The following CTNND2 variants were observed in gnomAD, a reference collection of about 807,000 sequenced individuals.
The protein encoded by CTNND2 is catenin delta 2, also known as catenin delta-2.
In CTNND2, 22 loss-of-function variants were observed where a neutral mutation model predicts 144.4. That is an observed-to-expected ratio of 0.15 (90% CI 0.11 to 0.22). The LOEUF (loss-of-function observed/expected upper bound fraction) is 0.22, where lower values mean the gene tolerates loss of function less well. CTNND2 is among the 10% of genes least tolerant of loss of function. The probability of loss-of-function intolerance (pLI) is 1.00; values close to 1 mark genes in which losing one functional copy is unlikely to be tolerated. For missense variants in CTNND2, 1,353 were observed against 1,618.8 expected (o/e 0.84, Z 2.82); for synonymous variants, 751 against 695.6 (o/e 1.08, Z -1.25).
intron 18 of CTNND2, among the ~76,000 whole-genome samples, chr5:11,011,711 G>C (rs903745939): frequency 6.6e-5 from 10 of 152,130 alleles, no homozygotes; most frequent in African/African-American, 2.4e-4. Context: ...GAATGGCCTG[G>C]CTTGTCTTCC....
intron 1 of CTNND2, among the ~76,000 whole-genome samples, chr5:11,789,375 C>T (rs1282520315): frequency 1.3e-5 from 2 of 152,112 alleles, no homozygotes; most frequent in East Asian, 3.9e-4. Flanking sequence ...ATTCACAAAC[C>T]TTCTACTGTC....
intron 3 of CTNND2, among the ~76,000 whole-genome samples, chr5:11,496,487 A>G (rs926775145): frequency 6.6e-6 from 1 of 152,208 alleles, no homozygotes; most frequent in African/African-American, 2.4e-5. Flanking sequence ...AGGGGTGTCC[A>G]GGGCAGCAGC....
chr5:11,492,505 ATGTGTGTGTGTG>A (rs33995105), intron 3 of CTNND2, among the ~76,000 whole-genome samples: 16 of 140,432 alleles, frequency 1.1e-4, no homozygotes, highest in South Asian at 2.3e-4. Flanking sequence ...ATATATATAT[ATGTGTGTGTGTG>A]TGTGTGTGTG....
At chr5:11,081,072 T>TCA (rs55951127) in intron 16 of CTNND2, among the ~76,000 whole-genome samples, 26,037 of 144,872 alleles carry the variant, frequency 0.18, 2,772 homozygotes, top group Admixed American at 0.3. Flanking sequence ...TGAGACCCTG[T>TCA]CACACACACA....
At chr5:11,559,504 T>C (rs1776516677) in intron 3 of CTNND2, among the ~76,000 whole-genome samples, 1 of 152,180 alleles carries the variant, frequency 6.6e-6, no homozygotes, top group South Asian at 2.1e-4. Context: ...ATGGTTGTTG[T>C]TCTATCTTCT....
chr5:11,853,875 C>T (rs888322277), intron 1 of CTNND2, among the ~76,000 whole-genome samples: 1 of 152,212 alleles, frequency 6.6e-6, no homozygotes, highest in Non-Finnish European at 1.5e-5. Flanking sequence ...GAGCCGCCAT[C>T]ATGAGTCATT....
intron 2 of CTNND2, among the ~76,000 whole-genome samples, chr5:11,592,546 A>C (rs1779307390): frequency 6.6e-6 from 1 of 152,092 alleles, no homozygotes; most frequent in Non-Finnish European, 1.5e-5. Flanking sequence ...TAATCATAAC[A>C]GTGGTTTAAG....
At chr5:11,044,075 G>A (rs1458847587) in intron 16 of CTNND2, among the ~76,000 whole-genome samples, 6 of 152,204 alleles carry the variant, frequency 3.9e-5, no homozygotes, top group Admixed American at 1.3e-4. Context: ...GTTGTACAGC[G>A]GGGTAGCAGC....
intron 13 of CTNND2, among the ~76,000 whole-genome samples, chr5:11,111,742 C>T (rs1364471771): frequency 6.6e-6 from 1 of 152,128 alleles, no homozygotes; most frequent in Non-Finnish European, 1.5e-5. Flanking sequence ...TGGTGTACCC[C>T]TCTGTAAAAT....
chr5:11,333,998 G>A, intron 9 of CTNND2, among the ~76,000 whole-genome samples: 1 of 152,172 alleles, frequency 6.6e-6, no homozygotes. Flanking sequence ...ATTCTATGCT[G>A]GATGCTAGGT....
intron 1 of CTNND2, among the ~76,000 whole-genome samples, chr5:11,798,711 G>C (rs1581902811): frequency 6.6e-6 from 1 of 152,152 alleles, no homozygotes; most frequent in East Asian, 1.9e-4. Context: ...AGGTTGCAGT[G>C]AACTGAGATC....
At chr5:11,737,802 G>A (rs1340180602) in intron 1 of CTNND2, among the ~76,000 whole-genome samples, 1 of 152,106 alleles carries the variant, frequency 6.6e-6, no homozygotes, top group Admixed American at 6.6e-5. Flanking sequence ...TGGCATCAGA[G>A]GTCTCTCTTC....
At chr5:11,684,061 GCTA>G (rs1784536574) in intron 2 of CTNND2, among the ~76,000 whole-genome samples, 1 of 151,926 alleles carries the variant, frequency 6.6e-6, no homozygotes, top group South Asian at 2.1e-4. Flanking sequence ...AAGACAGACA[GCTA>G]CTATTAGGTT....
At chr5:11,270,956 C>A (rs930613979) in intron 9 of CTNND2, among the ~76,000 whole-genome samples, 9 of 152,052 alleles carry the variant, frequency 5.9e-5, no homozygotes, top group Non-Finnish European at 1.3e-4. Context: ...CAATAAAATA[C>A]AAACTAGGAA....
intron 18 of CTNND2, among the ~76,000 whole-genome samples, chr5:11,000,940 G>A (rs1739892567): frequency 6.6e-6 from 1 of 152,220 alleles, no homozygotes; most frequent in African/African-American, 2.4e-5. Flanking sequence ...TGAACCATTG[G>A]CTTGGGGTTT....
At chr5:11,783,870 GTC>G (rs1363354487) in intron 1 of CTNND2, among the ~76,000 whole-genome samples, 1 of 152,160 alleles carries the variant, frequency 6.6e-6, no homozygotes, top group Non-Finnish European at 1.5e-5. Context: ...TGTGCTATCT[GTC>G]TCTTCTTAAG....
chr5:11,812,389 A>G lies in CTNND2; in HGVS notation c.38-80117T>C, dbSNP rs565929432. On this transcript the variant is annotated intron_variant, in intron 1 of 21. Transcript: ENST00000304623. ...TTCTTTCATAACTGCAAGCCAGGAA[A>G]CCATCCTATGGCTGACATGGCATGA... Among the ~76,000 whole-genome samples the G allele has an allele frequency of 2.2e-4, 33 of 152,296 alleles. No individual in the cohort carries two copies. The South Asian group carries it at 6.4e-3, about 30-fold the overall frequency.
intron 1 of CTNND2, among the ~76,000 whole-genome samples, chr5:11,850,896 C>G (rs77262998): frequency 2.0e-3 from 312 of 152,276 alleles, no homozygotes; most frequent in African/African-American, 7.1e-3. Context: ...GCTGTTTGGT[C>G]AAGCACATGT....
chr5:11,803,848 GA>G (rs1791836087), intron 1 of CTNND2, among the ~76,000 whole-genome samples: 1 of 152,014 alleles, frequency 6.6e-6, no homozygotes, highest in Non-Finnish European at 1.5e-5. Context: ...TGCAATATTT[GA>G]AATTTTTCTT....
Sources: allele counts gnomAD v4.1 joint callset (sites outside exome capture counted in the v4.1 genomes callset), GRCh38; gene constraint gnomAD v4.1.1; transcripts MANE v1.5; gene names NCBI Gene and HGNC (gene_info 2026-07-23, HGNC 2026-07-21).